TMEM132C: variants seen among roughly 807,000 people sequenced by gnomAD.
TMEM132C encodes transmembrane protein 132C.
TMEM132C carries 29 observed loss-of-function variants against 61.4 expected under a neutral mutation model. That is an observed-to-expected ratio of 0.47 (90% CI 0.35 to 0.64). The LOEUF is 0.64. Ranked by LOEUF, TMEM132C falls within the 30% of genes least tolerant of loss-of-function variation. TMEM132C has a pLI of 0.00. For synonymous variants in TMEM132C, 656 were observed against 633.1 expected, an observed-to-expected ratio of 1.04 and a Z score of -0.54; for missense variants, 1,408 against 1,476.9, an observed-to-expected ratio of 0.95 and a Z score of 0.76.
At chr12:128,546,362 C>T (rs1565969954) in intron 3 of TMEM132C, among the ~76,000 whole-genome samples, 1 of 152,308 alleles carries the variant, frequency 6.6e-6, no homozygotes, top group Non-Finnish European at 1.5e-5. Flanking sequence ...TGTTCATTAG[C>T]AGGTGGCAAA....
chr12:128,482,677 G>A (rs1004802286), intron 2 of TMEM132C, among the ~76,000 whole-genome samples: 1 of 151,952 alleles, frequency 6.6e-6, no homozygotes, highest in African/African-American at 2.4e-5. Flanking sequence ...TCAGGGATTC[G>A]ACTTCTTCCT....
intron 1 of TMEM132C, among the ~76,000 whole-genome samples, chr12:128,355,929 C>A (rs1468404753): frequency 1.3e-5 from 2 of 152,160 alleles, no homozygotes; most frequent in Non-Finnish European, 2.9e-5. Context: ...TGCCTTGTCA[C>A]CATCCTGTCA....
intron 3 of TMEM132C, among the ~76,000 whole-genome samples, chr12:128,610,943 G>T (rs1161647376): frequency 6.6e-6 from 1 of 152,116 alleles, no homozygotes; most frequent in African/African-American, 2.4e-5. Context: ...TCAAAAGTGT[G>T]CCTGAATGGT....
At chr12:128,518,483 T>C (rs1030300507) in intron 2 of TMEM132C, among the ~76,000 whole-genome samples, 1 of 152,158 alleles carries the variant, frequency 6.6e-6, no homozygotes, top group African/African-American at 2.4e-5. Flanking sequence ...AGGAAGAAGG[T>C]ACCCGGACAA....
At chr12:128,597,496 A>AGAAGGAAG (rs35995948) in intron 3 of TMEM132C, among the ~76,000 whole-genome samples, 100 of 149,502 alleles carry the variant, frequency 6.7e-4, no homozygotes, top group African/African-American at 2.5e-3. Context: ...AAGGAAGGAA[A>AGAAGGAAG]GAAGGAAGGA....
chr12:128,532,640 C>CAAAAAAAAAAAAA (rs61283555), intron 2 of TMEM132C, among the ~76,000 whole-genome samples: 3 of 67,160 alleles, frequency 4.5e-5, no homozygotes, highest in African/African-American at 2.2e-4. Flanking sequence ...GACTCCATCT[C>CAAAAAAAAAAAAA]AAAAAAAAAA....
chr12:128,366,042 C>T (rs1873857380), intron 1 of TMEM132C, among the ~76,000 whole-genome samples: 1 of 152,206 alleles, frequency 6.6e-6, no homozygotes, highest in Non-Finnish European at 1.5e-5. Flanking sequence ...GCTTTGTTGC[C>T]GAGATGGTGT....
chr12:128,389,959 G>A (rs11613870), intron 1 of TMEM132C, among the ~76,000 whole-genome samples: 11,916 of 152,200 alleles, frequency 0.078, 568 homozygotes, highest in Middle Eastern at 0.14. Context: ...GCTCACTAAA[G>A]CATTGAATTC....
intron 4 of TMEM132C, among the ~76,000 whole-genome samples, chr12:128,655,835 G>A (rs1954320835): frequency 6.6e-6 from 1 of 152,124 alleles, no homozygotes; most frequent in Admixed American, 6.6e-5. Context: ...AGTATAACCA[G>A]TAGTAGTCTT....
intron 2 of TMEM132C, among the ~76,000 whole-genome samples, chr12:128,421,128 C>T (rs1021636117): frequency 6.6e-6 from 1 of 152,138 alleles, no homozygotes; most frequent in African/African-American, 2.4e-5. Context: ...CAATAGGTAA[C>T]TTTTCATCCA....
intron 2 of TMEM132C, among the ~76,000 whole-genome samples, chr12:128,540,850 C>T (rs78574013): frequency 0.46 from 69,350 of 151,286 alleles, 18,452 homozygotes; most frequent in Non-Finnish European, 0.6. Context: ...TCAGGGCCCG[C>T]GGGTCGAGGG....
intron 5 of TMEM132C, among the ~76,000 whole-genome samples, chr12:128,671,615 G>A (rs1954533156): frequency 6.6e-6 from 1 of 152,080 alleles, no homozygotes; most frequent in African/African-American, 2.4e-5. Flanking sequence ...AAATGGCATG[G>A]AAAAACACTT....
At chr12:128,276,434 G>A (rs1870691257) in intron 1 of TMEM132C, among the ~76,000 whole-genome samples, 1 of 152,204 alleles carries the variant, frequency 6.6e-6, no homozygotes, top group Admixed American at 6.5e-5. Flanking sequence ...CCTAAACAGA[G>A]AGCCAAAGGT....
At chr12:128,352,382 TG>T in intron 1 of TMEM132C, among the ~76,000 whole-genome samples, 1 of 152,250 alleles carries the variant, frequency 6.6e-6, no homozygotes, top group South Asian at 2.1e-4. Flanking sequence ...AAGAACGGCA[TG>T]GGGAACCATG....
chr12:128,639,013 GTGGTGA>G (rs1228711929), intron 4 of TMEM132C, among the ~76,000 whole-genome samples: 3 of 63,996 alleles, frequency 4.7e-5, no homozygotes, highest in Admixed American at 1.6e-4. Flanking sequence ...GATGATGATG[GTGGTGA>G]TGGTGATGGT....
intron 4 of TMEM132C, among the ~76,000 whole-genome samples, chr12:128,666,853 G>A (rs1205794171): frequency 6.6e-6 from 1 of 152,194 alleles, no homozygotes; most frequent in Non-Finnish European, 1.5e-5. Context: ...GGTGGATCAC[G>A]AGGTCAGGAG....
intron 1 of TMEM132C, among the ~76,000 whole-genome samples, chr12:128,311,897 A>C (rs1027363895): frequency 6.6e-6 from 1 of 152,246 alleles, no homozygotes; most frequent in Non-Finnish European, 1.5e-5. Flanking sequence ...GGGTGATGGC[A>C]AGAGACCACT....
chr12:128,308,578 C>CTTCCTTGG (rs1871865621), intron 1 of TMEM132C, among the ~76,000 whole-genome samples: 1 of 152,194 alleles, frequency 6.6e-6, no homozygotes, highest in Non-Finnish European at 1.5e-5. Context: ...TCCCTTAGTG[C>CTTCCTTGG]TTCCTTGGGA....
intron 1 of TMEM132C, among the ~76,000 whole-genome samples, chr12:128,283,275 C>T (rs1321608972): frequency 6.6e-6 from 1 of 152,182 alleles, no homozygotes; most frequent in Non-Finnish European, 1.5e-5. Context: ...TAAGCACTGC[C>T]CTACTTTCTG....
Sources: gnomAD v4.1 joint callset for allele counts (sites outside exome capture counted in the v4.1 genomes callset) on GRCh38, gnomAD v4.1.1 for gene constraint, MANE v1.5 for transcripts, NCBI Gene and HGNC (gene_info 2026-07-23, HGNC 2026-07-21) for gene names.